DPP9: variants seen among roughly 807,000 people sequenced by gnomAD.
DPP9 encodes dipeptidyl peptidase 9, also known as dipeptidyl peptidase IV-related protein-2.
A neutral mutation model predicts 110.7 loss-of-function variants in DPP9; 50 were observed. The observed-to-expected ratio is 0.45, with a 90% CI of 0.36 to 0.57. The LOEUF is 0.57. Among genes scored for constraint, DPP9 ranks in the 20% least tolerant of loss-of-function variants. The pLI is 0.00. For synonymous variants in DPP9, 561 were observed against 514.4 expected, an observed-to-expected ratio of 1.09 and a Z score of -1.23; for missense variants, 1,022 against 1,217.9, an observed-to-expected ratio of 0.84 and a Z score of 2.39.
intron 19 of DPP9, 43 bp downstream of exon 19, chr19:4,683,434 G>A (rs2090214959): frequency 1.9e-6 from 3 of 1,610,396 alleles, no homozygotes; most frequent in Admixed American, 3.3e-5. Flanking sequence ...GGGGAAGGGG[G>A]CAGGGAGGGG....
rs944899851 is a variant in DPP9 at position 4,689,423 on chromosome 19, G to C, written c.1749+147C>G. ...CCTTCCCTGCCCTACCCAGGAGGCA[G>C]GGGTGGGCACTGCCTGCCCCAAGGC... On this transcript the variant is annotated intron_variant, in intron 15 of 21. Coordinates refer to ENST00000262960, the MANE Select transcript of DPP9 (RefSeq NM_139159.5). This position sits in a 1 kb window ranked among gnomAD's most constrained non-coding sequence, Gnocchi z 7.0. 21 of 1,032,532 alleles carry C rather than the reference G, an allele frequency of 2.0e-5. No homozygotes were observed. The highest frequency in any genetic ancestry group is 2.5e-5 in the Non-Finnish European group (18 of 727,074). 64.0% of individuals were successfully genotyped at this position (1,032,532 alleles called of 1,614,324 possible).
rs760105565 is a variant in DPP9 at position 4,704,263 on chromosome 19, C to G, written c.468G>C (p.Leu156=). The change falls in exon 6 of 22, where the codon CTG becomes CTC. Residue 156 remains leucine, a synonymous_variant. Coordinates refer to ENST00000262960, the MANE Select transcript of DPP9 (RefSeq NM_139159.5). This position sits in a 1 kb window ranked among gnomAD's most constrained non-coding sequence, Gnocchi z 6.0. ...HHGVYSREEE[L]LRERKRLGVF... is the part of the protein sequence containing the mutation. ...CCCCCAGGCGTTTCCGCTCCCTCAG[C>G]AGCTCCTCCTCCCGAGAGTAGACCC... The G allele has an allele frequency of 1.9e-6, 3 of 1,613,718 alleles. No individual in the cohort carries two copies. In the East Asian group the frequency reaches 6.7e-5, roughly 36 times the overall value.
At chr19:4,686,446 A>G (rs2090731827) in intron 16 of DPP9, among the ~76,000 whole-genome samples, 2 of 151,602 alleles carry the variant, frequency 1.3e-5, no homozygotes, top group African/African-American at 2.4e-5. Flanking sequence ...CATCTTCCCA[A>G]GTAGCTGGGA....
rs1352030562 is a variant in DPP9 at position 4,710,501 on chromosome 19, C to T, written c.313+3580G>A. Among the ~76,000 whole-genome samples, 1 of 152,242 alleles carries T rather than the reference C, an allele frequency of 6.6e-6. No individual in the cohort carries two copies. The highest frequency in any genetic ancestry group is 1.5e-5 in the Non-Finnish European group (1 of 68,046). On this transcript the variant is annotated intron_variant, in intron 4 of 21. Coordinates refer to ENST00000262960, the MANE Select transcript of DPP9 (RefSeq NM_139159.5). This position sits in a 1 kb window ranked among gnomAD's most constrained non-coding sequence, Gnocchi z 5.6. ...CCCATCTTCCCAGCAGCAGGAACCG[C>T]ACGTTCCCCCGCTGCTCCTGCTAGC... is the stretch of plus-strand genomic sequence containing the variant.
chr19:4,715,863 C>T (rs1375155131), intron 3 of DPP9: 1 of 152,288 alleles, frequency 6.6e-6, no homozygotes, highest in African/African-American at 2.4e-5. Flanking sequence ...TGTCACATCT[C>T]CCACCACCCC....
chr19:4,692,247 G>T (rs1458834653), intron 13 of DPP9, among the ~76,000 whole-genome samples: 2 of 152,092 alleles, frequency 1.3e-5, no homozygotes, highest in African/African-American at 4.8e-5. Context: ...ATGACAGTGC[G>T]GGGTGCATCA....
At chr19:4,701,871 G>A (rs967303287) in intron 9 of DPP9, among the ~76,000 whole-genome samples, 156 bp downstream of exon 9, 1 of 152,146 alleles carries the variant, frequency 6.6e-6, no homozygotes, top group Non-Finnish European at 1.5e-5. Context: ...AGAAAGGGGC[G>A]GCCCCTGCAG....
chr19:4,690,833 C>A, intron 14 of DPP9, 45 bp downstream of exon 14: 2 of 1,491,940 alleles, frequency 1.3e-6, no homozygotes, highest in Middle Eastern at 2.0e-4. Flanking sequence ...GTGTGTAAAA[C>A]ACACATGCAT....
chr19:4,699,027 T>C (rs551649346), intron 10 of DPP9, among the ~76,000 whole-genome samples: 120 of 151,510 alleles, frequency 7.9e-4, no homozygotes, highest in Non-Finnish European at 1.5e-3. Context: ...GGCATGGTGG[T>C]GGGTGCCTGT....
chr19:4,687,859 G>A lies in DPP9; in HGVS notation c.1885+898C>T, dbSNP rs181890776. ...GTCGCCCAGGCTAAAGTACAGTGGT[G>A]CGATCTCAGCTCACTGCAACCTCTG... is the stretch of plus-strand genomic sequence containing the variant. On this transcript the variant is annotated intron_variant, in intron 16 of 21. Transcript: ENST00000262960. This position sits in a 1 kb window ranked among gnomAD's most constrained non-coding sequence, Gnocchi z 4.7. 1.8e-4 allele frequency among the ~76,000 whole-genome samples: 27 copies of A among 152,156 alleles called. No homozygotes were observed. Among genetic ancestry groups the A allele is most frequent in the African/African-American group, 6.3e-4 (26 of 41,520 alleles).
Position 4,700,342 on chromosome 19 carries a change from G to C in DPP9, c.1013-65C>G, listed in dbSNP as rs1487449003. 1.4e-6 allele frequency: 2 copies of C among 1,394,174 alleles called. No homozygotes were observed. The highest frequency in any genetic ancestry group is 2.0e-6 in the Non-Finnish European group (2 of 1,017,492). The allele number at this position is 1,394,174 out of a possible 1,614,324, so 86.4% of individuals were successfully genotyped here. ...ACCCGTGTGTGCCGAGAGCCGGCAC[G>C]GGGGGCCTGGGCTGTGGGGTGACGT... On this transcript the variant is annotated intron_variant, in intron 9 of 21. Coordinates refer to ENST00000262960, the MANE Select transcript of DPP9 (RefSeq NM_139159.5). The surrounding 1 kb of genome is among the most constrained non-coding windows in gnomAD (Gnocchi z 4.3).
At chr19:4,678,411 C>T (rs991150330) in intron 21 of DPP9, among the ~76,000 whole-genome samples, 2 of 152,260 alleles carry the variant, frequency 1.3e-5, no homozygotes, top group African/African-American at 2.4e-5. Context: ...CCACGCCCGG[C>T]CTGAATGCTT....
chr19:4,681,553 C>T lies in DPP9; in HGVS notation c.2474+1143G>A, dbSNP rs149844557. On this transcript the variant is annotated intron_variant, in intron 20 of 21. Coordinates refer to ENST00000262960, the MANE Select transcript of DPP9 (RefSeq NM_139159.5). ...GCTGGTCTTGAACTCCTGAAGCCAC[C>T]GTTCCTGGCCTATTATTATTATTAT... Among the ~76,000 whole-genome samples the T allele has an allele frequency of 9.5e-3, 1,441 of 151,092 alleles. 9 individuals are homozygous for T. The highest frequency in any genetic ancestry group is 0.017 in the Non-Finnish European group (1,120 of 67,786).
At chr19:4,702,847 GGAGA>G in intron 7 of DPP9, 131 bp from the exon 8 acceptor site, 5 of 136,704 alleles carry the variant, frequency 3.7e-5, no homozygotes, top group Non-Finnish European at 7.4e-5. Flanking sequence ...AGAGGGGGAG[GGAGA>G]GGGAGGGAGA....
rs1039378393 is a variant in DPP9 at position 4,685,054 on chromosome 19, C to T, written c.2032-245G>A. 5 of 665,616 alleles carry T rather than the reference C, an allele frequency of 7.5e-6. No individual in the cohort carries two copies. The highest frequency in any genetic ancestry group is 1.4e-5 in the Non-Finnish European group (5 of 362,304). 41.2% of individuals were successfully genotyped at this position (665,616 alleles called of 1,614,324 possible). On this transcript the variant is annotated intron_variant, in intron 17 of 21. Transcript: ENST00000262960. This position sits in a 1 kb window ranked among gnomAD's most constrained non-coding sequence, Gnocchi z 5.8. ...CTCTTTCTCAGCTGGGCCACTGCCC[C>T]AGTCCTGCCTGGAACAACTACTCTG...
intron 4 of DPP9, among the ~76,000 whole-genome samples, chr19:4,712,940 C>T (rs190964371): frequency 2.4e-4 from 36 of 152,344 alleles, no homozygotes; most frequent in African/African-American, 4.6e-4. Flanking sequence ...GCAGCACACG[C>T]GGGCCTGGGC....
rs1276137461 is a variant in DPP9, at chr19:4,695,615, A to C, written c.1176-60T>G. 7.3e-7 allele frequency: 1 copy of C among 1,370,550 alleles called. No individual in the cohort carries two copies. The highest frequency in any genetic ancestry group is 3.2e-5 in the Admixed American group (1 of 31,618). The allele number at this position is 1,370,550 out of a possible 1,614,324, so 84.9% of individuals were successfully genotyped here. ...AGCTGGGAGCCTCAGTGGCCTGCAC[A>C]GAGAAGCTGGGGACGCAGCGTCCAA... is the stretch of plus-strand genomic sequence containing the variant. On this transcript the variant is annotated intron_variant, in intron 11 of 21. Transcript: ENST00000262960. This position sits in a 1 kb window ranked among gnomAD's most constrained non-coding sequence, Gnocchi z 4.7.
intron 4 of DPP9, among the ~76,000 whole-genome samples, chr19:4,708,120 C>T (rs2092675867): frequency 1.3e-5 from 2 of 152,170 alleles, no homozygotes; most frequent in African/African-American, 2.4e-5. Context: ...CAGCCAGCTG[C>T]AGGTTTTTCC....
intron 16 of DPP9, among the ~76,000 whole-genome samples, chr19:4,688,114 T>C (rs563206193): frequency 1.3e-5 from 2 of 151,756 alleles, no homozygotes; most frequent in Admixed American, 1.3e-4. Context: ...TTTTAATTTT[T>C]AATTTTTTTT....
Sources: gnomAD v4.1 joint callset for allele counts (sites outside exome capture counted in the v4.1 genomes callset) on GRCh38, gnomAD v4.1.1 for gene constraint, Gnocchi (gnomAD v3.1) non-coding constraint, MANE v1.5 for transcripts, NCBI Gene and HGNC (gene_info 2026-07-23, HGNC 2026-07-21) for gene names.